DNMT3B: variants seen among roughly 807,000 people sequenced by gnomAD.
DNMT3B encodes the protein DNA methyltransferase 3 beta.
DNMT3B carries 37 observed loss-of-function variants against 120.2 expected under a neutral mutation model. The ratio of observed to expected loss-of-function variants is 0.31; its 90% CI spans 0.24 to 0.40. The LOEUF (loss-of-function observed/expected upper bound fraction) is 0.40. DNMT3B is among the 10% of genes least tolerant of loss of function. The pLI is 1.00. For synonymous variants in DNMT3B, 412 were observed against 442.8 expected, an observed-to-expected ratio of 0.93 and a Z score of 0.87; for missense variants, 878 against 1,137.3, an observed-to-expected ratio of 0.77 and a Z score of 3.28.
intron 21 of DNMT3B, 117 bp from the exon 22 acceptor site, chr20:32,806,092 T>A: frequency 1.1e-6 from 1 of 941,252 alleles, no homozygotes; most frequent in Middle Eastern, 2.4e-4. Flanking sequence ...CTCCCAGCCC[T>A]GCCACTCTTC....
At chr20:32,789,398 G>A (rs1051015890) in intron 7 of DNMT3B, among the ~76,000 whole-genome samples, 7 of 152,212 alleles carry the variant, frequency 4.6e-5, no homozygotes, top group Non-Finnish European at 1.0e-4. Flanking sequence ...GCCCTGGGGA[G>A]AGAAAGGCAT....
At chr20:32,806,136 A>G in intron 21 of DNMT3B, 73 bp from the exon 22 acceptor site, 1 of 1,382,276 alleles carries the variant, frequency 7.2e-7, no homozygotes, top group Non-Finnish European at 1.0e-6. Context: ...CATCTTTCCC[A>G]GGTACTTTTG....
In DNMT3B at chr20:32,792,785, C is replaced by A. The variant is rs1223104387; in HGVS notation, c.1066+15C>A. The A allele has an allele frequency of 1.9e-6, 3 of 1,613,892 alleles. No homozygotes were observed. Among genetic ancestry groups the A allele is most frequent in the Admixed American group, 3.3e-5 (2 of 60,016 alleles). ...CACGCAACCAGGTGGGAATGAGTCC[C>A]CATGGCAGCACCCGCTGCCTCTGCT... On this transcript the variant is annotated intron_variant, in intron 9 of 22. Transcript: ENST00000328111.
Position 32,786,504 on chromosome 20 carries a change from C to T in DNMT3B, c.309C>T (p.Val103=), listed in dbSNP as rs1979300334. The T allele has an allele frequency of 1.2e-6, 2 of 1,614,054 alleles. No homozygotes were observed. Among genetic ancestry groups the T allele is most frequent in the East Asian group, 4.5e-5 (2 of 44,876 alleles). ...TGAGTGTCCTCTCTTGCTTCTAGGTCCGAACTCGAAATAACAACAGTGTCT... is the reference window on the plus strand; with the variant it reads ...TGAGTGTCCTCTCTTGCTTCTAGGTTCGAACTCGAAATAACAACAGTGTCT... ...ETRTRSESPA[V]RTRNNNSVSS... Residue 103 remains valine (V), a splice_region_variant and synonymous_variant, in exon 5 of 23, where the codon GTC becomes GTT. Coordinates refer to ENST00000328111, the MANE Select transcript of DNMT3B (RefSeq NM_006892.4).
Position 32,780,380 on chromosome 20 carries a change from CTCGA to C in DNMT3B, c.60_63del (p.Ile21SerfsTer43). On this transcript the variant is annotated frameshift_variant, in exon 2 of 23. Coordinates refer to ENST00000328111, the MANE Select transcript of DNMT3B (RefSeq NM_006892.4). LOFTEE classifies it high-confidence loss of function. ...AGGAGGACGCCGGCGGGAGGGAAGA[CTCGA>C]TCCTCGTCAACGGGGCCTGCAGCGA... 1 of 1,613,924 alleles carries C rather than the reference CTCGA, an allele frequency of 6.2e-7. No homozygotes were observed. Among genetic ancestry groups the C allele is most frequent in the Non-Finnish European group, 8.5e-7 (1 of 1,179,982 alleles).
Position 32,808,276 on chromosome 20 carries a change from C to T in DNMT3B, c.*373C>T. 2 of 371,560 alleles carry T rather than the reference C, an allele frequency of 5.4e-6. No homozygotes were observed. The highest frequency in any genetic ancestry group is 3.4e-5 in the South Asian group (1 of 29,462). 23.0% of individuals were successfully genotyped at this position (371,560 alleles called of 1,614,324 possible). A position where few individuals can be genotyped will look rare whatever the true frequency, so the allele number is the denominator to read the frequency against. On this transcript the variant is annotated 3_prime_UTR_variant, in exon 23 of 23. Transcript: ENST00000328111. ...CCACAGTGCCGACAGCTCTCCAATA[C>T]TCAGGTTAATGCTGAAAAATCATCC...
At chr20:32,765,995 G>A (rs1019804060) in intron 1 of DNMT3B, among the ~76,000 whole-genome samples, 1 of 151,950 alleles carries the variant, frequency 6.6e-6, no homozygotes, top group African/African-American at 2.4e-5. Context: ...CTGACCTCCT[G>A]ATCCACCCGC....
Position 32,781,400 on chromosome 20 carries a change from C to T in DNMT3B, c.190C>T (p.Leu64=). The T allele has an allele frequency of 6.2e-7, 1 of 1,614,202 alleles. No individual in the cohort carries two copies. Among genetic ancestry groups the T allele is most frequent in the Non-Finnish European group, 8.5e-7 (1 of 1,180,044 alleles). Residue 64 remains leucine, a synonymous_variant, in exon 3 of 23, where the codon CTA becomes TTA. Coordinates refer to ENST00000328111, the MANE Select transcript of DNMT3B (RefSeq NM_006892.4). ...CTCCAAGAGGGAGGTGTCCAGTCTG[C>T]TAAGCTACACACAGGTATGGTCTCT... ...RLSKREVSSL[L]SYTQDLTGDG... is the part of the protein sequence containing the mutation.
At chr20:32,766,636 A>G (rs1987385276) in intron 1 of DNMT3B, among the ~76,000 whole-genome samples, 1 of 152,130 alleles carries the variant, frequency 6.6e-6, no homozygotes, top group Non-Finnish European at 1.5e-5. Context: ...TCTGTTGCCC[A>G]GGTTGGAGCG....
At chr20:32,777,480 C>T (rs1235469658) in intron 1 of DNMT3B, among the ~76,000 whole-genome samples, 1 of 152,136 alleles carries the variant, frequency 6.6e-6, no homozygotes, top group Non-Finnish European at 1.5e-5. Context: ...CATTAGAACC[C>T]CAGGCCCTGG....
chr20:32,806,072 G>A (rs947939073), intron 21 of DNMT3B, 137 bp from the exon 22 acceptor site: 23 of 825,426 alleles, frequency 2.8e-5, no homozygotes, highest in East Asian at 4.9e-5. Flanking sequence ...TCTTTCCCAG[G>A]TACTTTTCTC....
rs147945634 is a variant in DNMT3B at position 32,787,405 on chromosome 20, C to T, written c.608C>T (p.Pro203Leu). The change falls in exon 6 of 23, where the codon CCG becomes CTG. Residue 203 changes from proline to leucine, a missense_variant. By Grantham distance (98) the Pro-to-Leu change is moderately conservative (BLOSUM62 -3). Around this residue, in one of 4 missense-constraint regions of DNMT3B, gnomAD observed 287 missense variants for 306.2 expected, o/e 0.94. Coordinates refer to ENST00000328111, the MANE Select transcript of DNMT3B (RefSeq NM_006892.4). The stretch of plus-strand genomic sequence containing the variant: ...AGCCAGCAGGGGGGCATGGAGTCCC[C>T]GCAGGTGGAGGCAGACAGTGGAGAT... The part of the protein sequence containing the change: ...QDSQQGGMES[P>L]QVEADSGDGD... 571 of 1,614,176 alleles carry T rather than the reference C, an allele frequency of 3.5e-4. 1 individual carries two copies. The African/African-American group carries it at 6.1e-3, about 17-fold the overall frequency.
intron 20 of DNMT3B, among the ~76,000 whole-genome samples, chr20:32,804,988 G>A (rs1399185450): frequency 6.6e-6 from 1 of 152,132 alleles, no homozygotes; most frequent in Non-Finnish European, 1.5e-5. Context: ...AAATAGACAG[G>A]AAGCCCAAAG....
intron 1 of DNMT3B, among the ~76,000 whole-genome samples, chr20:32,773,600 A>T (rs1023728963): frequency 7.0e-6 from 1 of 143,324 alleles, no homozygotes; most frequent in Admixed American, 7.2e-5. Flanking sequence ...GGGGTTTGAG[A>T]GAAATATTGG....
At chr20:32,793,652 T>C (rs1980258094) in intron 10 of DNMT3B, 57 bp downstream of exon 10, 4 of 1,587,482 alleles carry the variant, frequency 2.5e-6, no homozygotes, top group Non-Finnish European at 3.5e-6. Flanking sequence ...TCTTCTGATT[T>C]CTTTGCATAT....
Position 32,780,481 on chromosome 20 carries a change from G to C in DNMT3B, c.142+16G>C, listed in dbSNP as rs747677882. On this transcript the variant is annotated intron_variant, in intron 2 of 22. Coordinates refer to ENST00000328111, the MANE Select transcript of DNMT3B (RefSeq NM_006892.4). The stretch of plus-strand genomic sequence containing the variant: ...GAGATCAGAGGTGGCTGGGCAGTGG[G>C]GACTGGGGTGGTGTCAGGCGCTGAC... 6.2e-7 allele frequency: 1 copy of C among 1,610,276 alleles called. No homozygotes were observed. The highest frequency in any genetic ancestry group is 1.7e-5 in the Admixed American group (1 of 59,948).
At chr20:32,764,287 A>T (rs999132791) in intron 1 of DNMT3B, among the ~76,000 whole-genome samples, 3 of 152,128 alleles carry the variant, frequency 2.0e-5, no homozygotes, top group African/African-American at 7.2e-5. Flanking sequence ...GCGTGAATTA[A>T]CCTCTTCAGC....
chr20:32,804,042 G>A (rs569044493), intron 20 of DNMT3B, among the ~76,000 whole-genome samples: 11 of 152,324 alleles, frequency 7.2e-5, no homozygotes, highest in Non-Finnish European at 4.4e-5. Flanking sequence ...CACAGTGTGA[G>A]TGGTGGCCCC....
At chr20:32,785,098 G>A (rs773230562) in intron 4 of DNMT3B, among the ~76,000 whole-genome samples, 4 of 151,196 alleles carry the variant, frequency 2.6e-5, no homozygotes, top group African/African-American at 7.3e-5. Context: ...GTGCAATGGC[G>A]TGATCTTAGC....
Sources: allele counts gnomAD v4.1 joint callset (sites outside exome capture counted in the v4.1 genomes callset), GRCh38; gene constraint gnomAD v4.1.1; regional missense constraint gnomAD v4.1.1; transcripts MANE v1.5; gene names NCBI Gene and HGNC (gene_info 2026-07-23, HGNC 2026-07-21).